LRRC40: variants seen among roughly 807,000 people sequenced by gnomAD.
LRRC40 encodes the protein leucine rich repeat containing 40.
A neutral mutation model predicts 72.8 loss-of-function variants in LRRC40; 76 were observed. The observed-to-expected ratio is 1.04, with a 90% CI of 0.87 to 1.26. The LOEUF (loss-of-function observed/expected upper bound fraction) is 1.26, where lower values mean the gene tolerates loss of function less well. LRRC40 is among the 50% of genes most tolerant of loss of function. The pLI, the probability that LRRC40 is intolerant of heterozygous loss-of-function variation, is 0.00. For missense variants in LRRC40, 684 were observed against 698.9 expected, an observed-to-expected ratio of 0.98 and a Z score of 0.24; for synonymous variants, 243 against 254.2, an observed-to-expected ratio of 0.96 and a Z score of 0.42.
chr1:70,173,782 C>T (rs1011903211), intron 7 of LRRC40, 73 bp from the exon 8 acceptor site: 1 of 701,924 alleles, frequency 1.4e-6, no homozygotes, highest in African/African-American at 1.8e-5. Context: ...AACTATAAAA[C>T]ATCATATGGC....
intron 1 of LRRC40, among the ~76,000 whole-genome samples, chr1:70,190,114 A>G (rs1486584273): frequency 6.6e-6 from 1 of 152,212 alleles, no homozygotes; most frequent in Non-Finnish European, 1.5e-5. Context: ...GTTGTAGCAA[A>G]ACTATTTTCA....
intron 11 of LRRC40, 68 bp from the exon 12 acceptor site, chr1:70,152,611 G>T: frequency 1.3e-6 from 1 of 778,718 alleles, no homozygotes; most frequent in Admixed American, 2.3e-5. Flanking sequence ...ACTGTAAGCA[G>T]ATCAAAGGGG....
intron 14 of LRRC40, 147 bp downstream of exon 14, chr1:70,148,340 G>T: frequency 1.5e-6 from 1 of 649,426 alleles, no homozygotes; most frequent in Non-Finnish European, 2.6e-6. Flanking sequence ...AACAGAATTG[G>T]GACTCTGGGT....
At chr1:70,204,978 A>T (rs937586392) in intron 1 of LRRC40, among the ~76,000 whole-genome samples, 20 of 152,002 alleles carry the variant, frequency 1.3e-4, no homozygotes, top group African/African-American at 4.3e-4. Flanking sequence ...AGGTTCACAA[A>T]GGGGCCGATA....
intron 1 of LRRC40, among the ~76,000 whole-genome samples, chr1:70,200,054 C>A (rs1466570588): frequency 6.6e-6 from 1 of 152,080 alleles, no homozygotes; most frequent in African/African-American, 2.4e-5. Flanking sequence ...ACGGCTTCCA[C>A]TAAGAAAATT....
chr1:70,163,011 T>C (rs1333082666), intron 9 of LRRC40, among the ~76,000 whole-genome samples: 1 of 152,090 alleles, frequency 6.6e-6, no homozygotes. Context: ...AAGTCTGCAA[T>C]GGGTCTCATT....
chr1:70,168,091 G>C (rs546768911), intron 9 of LRRC40, among the ~76,000 whole-genome samples: 1 of 152,118 alleles, frequency 6.6e-6, no homozygotes, highest in Non-Finnish European at 1.5e-5. Context: ...AGAACACAGG[G>C]TTCCCTCTCC....
chr1:70,189,265 ACTG>A lies in LRRC40; in HGVS notation c.157_159del (p.Gln53del), dbSNP rs1668437221. 6.3e-7 allele frequency: 1 copy of A among 1,595,262 alleles called. No individual in the cohort carries two copies. The highest frequency in any genetic ancestry group is 8.5e-7 in the Non-Finnish European group (1 of 1,170,248). On this transcript the variant is annotated inframe_deletion, in exon 2 of 15. Coordinates refer to ENST00000370952, the MANE Select transcript of LRRC40 (RefSeq NM_017768.5). Reference sequence around the variant, plus strand: ...ATATCCACATTTATTCTCCAGACACACTGCGGCACTAGTTCCATCAGCACCACA... The same window carrying A: ...ATATCCACATTTATTCTCCAGACACACGGCACTAGTTCCATCAGCACCACA...
intron 5 of LRRC40, among the ~76,000 whole-genome samples, chr1:70,179,244 G>A (rs2100302252): frequency 6.6e-6 from 1 of 152,138 alleles, no homozygotes; most frequent in Admixed American, 6.5e-5. Flanking sequence ...ACTTTGGGAG[G>A]CCCGAGGTGG....
intron 14 of LRRC40, 130 bp downstream of exon 14, chr1:70,148,357 A>G: frequency 1.3e-6 from 1 of 755,536 alleles, no homozygotes; most frequent in Non-Finnish European, 2.1e-6. Context: ...GGGTTTTGTT[A>G]CTTGTTATTT....
chr1:70,182,847 G>T (rs1431443715), intron 4 of LRRC40, among the ~76,000 whole-genome samples: 1 of 152,090 alleles, frequency 6.6e-6, no homozygotes, highest in African/African-American at 2.4e-5. Flanking sequence ...TACTGAGTCT[G>T]TAGAACACAA....
intron 1 of LRRC40, among the ~76,000 whole-genome samples, chr1:70,198,042 G>A (rs1361876566): frequency 6.6e-6 from 1 of 152,122 alleles, no homozygotes; most frequent in Non-Finnish European, 1.5e-5. Flanking sequence ...TATTAAAGGT[G>A]TGAGCCACAG....
chr1:70,191,964 T>C (rs998569389), intron 1 of LRRC40, among the ~76,000 whole-genome samples: 1 of 152,182 alleles, frequency 6.6e-6, no homozygotes, highest in Non-Finnish European at 1.5e-5. Flanking sequence ...CTTTTTTGGT[T>C]CCACATGAAT....
chr1:70,190,868 C>T (rs1030070208), intron 1 of LRRC40, among the ~76,000 whole-genome samples: 2 of 151,816 alleles, frequency 1.3e-5, no homozygotes, highest in Non-Finnish European at 2.9e-5. Flanking sequence ...ACCTGTGTTT[C>T]TGTTGGTGGA....
intron 4 of LRRC40, 75 bp downstream of exon 4, chr1:70,184,710 C>G: frequency 7.4e-7 from 1 of 1,352,734 alleles, no homozygotes; most frequent in South Asian, 1.5e-5. Context: ...TTTCAATCAT[C>G]TATCTTAATT....
chr1:70,184,895 G>A lies in LRRC40; in HGVS notation c.427C>T (p.Leu143Phe). 3.1e-6 allele frequency: 5 copies of A among 1,603,368 alleles called. No homozygotes were observed. The South Asian group carries it at 4.4e-5, about 14-fold the overall frequency. Residue 143 changes from leucine (L) to phenylalanine (F), a missense_variant, in exon 4 of 15, where the codon CTC becomes TTC. Coordinates refer to ENST00000370952, the MANE Select transcript of LRRC40 (RefSeq NM_017768.5). Reference sequence around the variant, plus strand: ...CTTAGGTTTGTAATTTCTTCAGGGAGTATTTTCAGTTTATTATGGCTATTG... The same window carrying A: ...CTTAGGTTTGTAATTTCTTCAGGGAATATTTTCAGTTTATTATGGCTATTG... ...LNVSHNKLKI[L>F]PEEITNLRNL...
At chr1:70,150,563 G>C (rs1667453049) in intron 13 of LRRC40, among the ~76,000 whole-genome samples, 1 of 152,180 alleles carries the variant, frequency 6.6e-6, no homozygotes, top group Non-Finnish European at 1.5e-5. Flanking sequence ...CAAAATCTAA[G>C]TTTCGTTGAG....
chr1:70,203,935 T>C (rs1356588623), intron 1 of LRRC40, among the ~76,000 whole-genome samples: 1 of 152,222 alleles, frequency 6.6e-6, no homozygotes, highest in Non-Finnish European at 1.5e-5. Flanking sequence ...ACAAATACCA[T>C]GAGTTTCTGC....
At chr1:70,155,862 CT>C in intron 10 of LRRC40, 66 bp from the exon 11 acceptor site, 1 of 641,354 alleles carries the variant, frequency 1.6e-6, no homozygotes, top group Non-Finnish European at 2.6e-6. Context: ...GATTATTACT[CT>C]TCATTTTTAA....
Sources: allele counts gnomAD v4.1 joint callset (sites outside exome capture counted in the v4.1 genomes callset), GRCh38; gene constraint gnomAD v4.1.1; transcripts MANE v1.5; gene names NCBI Gene and HGNC (gene_info 2026-07-23, HGNC 2026-07-21).